MICALL2: variants seen among roughly 807,000 people sequenced by gnomAD.
MICALL2 encodes MICAL like 2.
MICALL2 carries 111 observed loss-of-function variants against 91.1 expected under a neutral mutation model. The observed-to-expected ratio is 1.22, with a 90% confidence interval of 1.04 to 1.43. The LOEUF is 1.43. Among genes scored for constraint, MICALL2 ranks in the 40% most tolerant of loss-of-function variants. MICALL2 has a pLI of 0.00. For synonymous variants in MICALL2, 694 were observed against 525.3 expected (o/e 1.32, Z -4.39); for missense variants, 1,556 against 1,236.0 (o/e 1.26, Z -3.88).
At chr7:1,435,913 G>T (rs1170050063) in intron 15 of MICALL2, among the ~76,000 whole-genome samples, 1 of 151,862 alleles carries the variant, frequency 6.6e-6, no homozygotes, top group Non-Finnish European at 1.5e-5. Context: ...TTAGCCGGGT[G>T]TGGTGGCGGG....
intron 10 of MICALL2, 77 bp from the exon 11 acceptor site, chr7:1,438,430 C>CCTGACCTCAGCACAGCACAG: frequency 6.5e-7 from 1 of 1,540,052 alleles, no homozygotes; most frequent in Non-Finnish European, 8.8e-7. Context: ...TTGGAAGGAG[C>CCTGACCTCAGCACAGCACAG]CTGACCTCAG....
chr7:1,435,222 C>T lies in MICALL2; in HGVS notation c.2592-75G>A, dbSNP rs943842417. 2.2e-5 allele frequency: 33 copies of T among 1,493,590 alleles called. No homozygotes were observed. The Admixed American group carries it at 3.5e-4, about 16-fold the overall frequency. The allele number at this position is 1,493,590 out of a possible 1,614,324, so 92.5% of individuals were successfully genotyped here. ...CCTGGAGGGGCCTCCGGACAGTCTCCAGCAGTGGCACCCCAGCCCTGAGTC... is the reference window on the plus strand; with the variant it reads ...CCTGGAGGGGCCTCCGGACAGTCTCTAGCAGTGGCACCCCAGCCCTGAGTC... On this transcript the variant is annotated intron_variant, in intron 15 of 16. Transcript: ENST00000297508.
chr7:1,439,898 G>T (rs770187244), intron 9 of MICALL2, 27 bp downstream of exon 9: 3 of 1,407,316 alleles, frequency 2.1e-6, no homozygotes, highest in African/African-American at 3.0e-5. Flanking sequence ...GGCAACCCGG[G>T]GGCCCCTGGG....
At chr7:1,440,405 A>G in intron 8 of MICALL2, 186 bp downstream of exon 8, 1 of 652,638 alleles carries the variant, frequency 1.5e-6, no homozygotes, top group South Asian at 1.8e-5. Context: ...GAGACACGCA[A>G]CGCTGCCCCC....
At chr7:1,453,720 T>C (rs886138668) in intron 1 of MICALL2, among the ~76,000 whole-genome samples, 6 of 151,710 alleles carry the variant, frequency 4.0e-5, no homozygotes, top group Admixed American at 3.9e-4. Flanking sequence ...CTCCGAGACA[T>C]GGCATCCTCC....
Position 1,438,833 on chromosome 7 carries a change from G to A in MICALL2, c.2122+7C>T, listed in dbSNP as rs368026463. On this transcript the variant is annotated splice_region_variant and intron_variant, in intron 10 of 16. Coordinates refer to ENST00000297508, the MANE Select transcript of MICALL2 (RefSeq NM_182924.4). ...CCCCAAACAGCAGCGGTGTCTCTGG[G>A]GCTGACCTGGTTTGCCCTGAAGGTG... is the stretch of plus-strand genomic sequence containing the variant. 7 of 1,598,668 alleles carry A rather than the reference G, an allele frequency of 4.4e-6. No individual in the cohort carries two copies. The African/African-American group carries it at 6.7e-5, about 15-fold the overall frequency.
rs1356656463 is a variant in MICALL2, at chr7:1,438,296, G to A, written c.2180C>T (p.Pro727Leu). 3.1e-6 allele frequency: 5 copies of A among 1,600,382 alleles called. No homozygotes were observed. The South Asian group carries it at 4.5e-5, about 14-fold the overall frequency. The change falls in exon 11 of 17, where the codon CCA becomes CTA. Residue 727 changes from proline to leucine, a missense_variant. Coordinates refer to ENST00000297508, the MANE Select transcript of MICALL2 (RefSeq NM_182924.4). Reference protein sequence around the residue: ...PALPGETVTSPVRLHPDYLSP... With the variant: ...PALPGETVTSLVRLHPDYLSP... ...CTCCCCACCACTACTCACCCTGACT[G>A]GGGAGGTCACCGTCTCGCCAGGCAG...
intron 1 of MICALL2, among the ~76,000 whole-genome samples, chr7:1,455,641 C>A (rs558005373): frequency 6.6e-6 from 1 of 152,040 alleles, no homozygotes; most frequent in Non-Finnish European, 1.5e-5. Flanking sequence ...CCCCTCCACC[C>A]GGGGTCGGTG....
At position 1,437,623 on chromosome 7, in the gene MICALL2, C is replaced by A. The variant is rs1200491302; in HGVS notation, c.2403-15G>T. 1 of 1,538,410 alleles carries A rather than the reference C, an allele frequency of 6.5e-7. No homozygotes were observed. Among genetic ancestry groups the A allele is most frequent in the Non-Finnish European group, 8.7e-7 (1 of 1,145,854 alleles). ...GGGCCTTGGACCTGCCGCACAGACACGCGTCTGAGGCCTGACTCTGCCGCC... is the reference window on the plus strand; with the variant it reads ...GGGCCTTGGACCTGCCGCACAGACAAGCGTCTGAGGCCTGACTCTGCCGCC... On this transcript the variant is annotated splice_polypyrimidine_tract_variant and intron_variant, in intron 13 of 16. Transcript: ENST00000297508.
rs1405108085 is a variant in MICALL2 at position 1,444,825 on chromosome 7, C to T, written c.1245G>A (p.Gln415=). The T allele has an allele frequency of 1.9e-6, 3 of 1,610,038 alleles. No individual in the cohort carries two copies. The African/African-American group carries it at 4.0e-5, about 21-fold the overall frequency. The change falls in exon 6 of 17, where the codon CAG becomes CAA. Residue 415 remains glutamine (Q), a synonymous_variant. Transcript: ENST00000297508. ...ATGTTTGGAAAAACTTATTCCGGGC[C>T]TGCTGGGTCCTGGAGGCGGACGGGG... ...AWTPSASRTQ[Q]ARNKFFQTSA... is the part of the protein sequence containing the mutation.
chr7:1,438,867 TCTC>T lies in MICALL2; in HGVS notation c.2092_2094del (p.Glu698del), dbSNP rs776006519. On this transcript the variant is annotated inframe_deletion, in exon 10 of 17. Coordinates refer to ENST00000297508, the MANE Select transcript of MICALL2 (RefSeq NM_182924.4). ...GGTTTGCCCTGAAGGTGAGGTTTCT[TCTC>T]CTCCTCCTTCCAGCTCTGCACTCGG... 8.1e-6 allele frequency: 13 copies of T among 1,609,210 alleles called. No homozygotes were observed. Among genetic ancestry groups the T allele is most frequent in the East Asian group, 4.5e-5 (2 of 44,800 alleles).
Position 1,458,741 on chromosome 7 carries a change from C to A in MICALL2, c.143+443G>T, listed in dbSNP as rs149549875. On this transcript the variant is annotated intron_variant, in intron 1 of 16. Transcript: ENST00000297508. ...TCCTGCCCTGCACTGGCCGCTCCCC[C>A]ACAGTGGCCCTGGCCACATCCCCCC... Among the ~76,000 whole-genome samples, 1,510 of 152,348 alleles carry A rather than the reference C, an allele frequency of 9.9e-3. 18 individuals carry two copies. Among genetic ancestry groups the A allele is most frequent in the Non-Finnish European group, 0.01 (692 of 68,016 alleles).
rs1401069530 is a variant in MICALL2 at position 1,435,211 on chromosome 7, C to T, written c.2592-64G>A. The stretch of plus-strand genomic sequence containing the variant: ...TGGCAAGGTGCCCTGGAGGGGCCTC[C>T]GGACAGTCTCCAGCAGTGGCACCCC... On this transcript the variant is annotated intron_variant, in intron 15 of 16. Coordinates refer to ENST00000297508, the MANE Select transcript of MICALL2 (RefSeq NM_182924.4). 2.3e-5 allele frequency: 36 copies of T among 1,558,744 alleles called. 1 individual carries two copies. The highest frequency in any genetic ancestry group is 4.5e-5 in the East Asian group (2 of 44,644).
At chr7:1,435,237 A>C (rs1161416465) in intron 15 of MICALL2, 90 bp from the exon 16 acceptor site, 6 of 1,368,734 alleles carry the variant, frequency 4.4e-6, no homozygotes, top group East Asian at 4.6e-5. Context: ...GTGGCACCCC[A>C]GCCCTGAGTC....
intron 10 of MICALL2, 149 bp from the exon 11 acceptor site, chr7:1,438,502 G>A: frequency 1.4e-6 from 2 of 1,452,202 alleles, no homozygotes; most frequent in South Asian, 1.4e-5. Context: ...GGACTGCCCT[G>A]ACCCAGCCCC....
At position 1,438,318 on chromosome 7, in the gene MICALL2, G is replaced by A. The variant is rs1057510860; in HGVS notation, c.2158C>T (p.Pro720Ser). 3 of 1,604,496 alleles carry A rather than the reference G, an allele frequency of 1.9e-6. No individual in the cohort carries two copies. The highest frequency in any genetic ancestry group is 2.5e-6 in the Non-Finnish European group (3 of 1,176,572). Residue 720 changes from proline to serine, a missense_variant, in exon 11 of 17, where the codon CCT (proline) becomes TCT (serine). Physicochemically the swap from Pro to Ser is moderately conservative, Grantham distance 74. Coordinates refer to ENST00000297508, the MANE Select transcript of MICALL2 (RefSeq NM_182924.4). ...ACTGGGGAGGTCACCGTCTCGCCAG[G>A]CAGAGCAGGGACATTGGCCGGGGAC... The part of the protein sequence containing the change: ...PLSPANVPAL[P>S]GETVTSPVRL...
intron 1 of MICALL2, chr7:1,450,498 A>G (rs1027014666): frequency 1.4e-5 from 8 of 567,514 alleles, no homozygotes; most frequent in Non-Finnish European, 2.3e-5. Flanking sequence ...CCGTAGTACG[A>G]CATCAGACGG....
intron 5 of MICALL2, 133 bp from the exon 6 acceptor site, chr7:1,445,561 C>T (rs1205381144): frequency 1.2e-5 from 10 of 800,468 alleles, no homozygotes; most frequent in Admixed American, 8.6e-5. Context: ...CGCCCCGCCA[C>T]GCATTCACCA....
chr7:1,440,015 C>T lies in MICALL2; in HGVS notation c.1876G>A (p.Gly626Ser). 6.4e-7 allele frequency: 1 copy of T among 1,566,264 alleles called. No individual in the cohort carries two copies. Among genetic ancestry groups the T allele is most frequent in the African/African-American group, 1.4e-5 (1 of 71,348 alleles). The part of the protein sequence containing the change: ...RAGEAPRKVS[G>S]SFAGSVHITL... Reference sequence around the variant, plus strand: ...ATGTGGACACTCCCAGCAAAGCTGCCTGAGACCTTCCTGGGGGCCTCCCCC... The same window carrying T: ...ATGTGGACACTCCCAGCAAAGCTGCTTGAGACCTTCCTGGGGGCCTCCCCC... Residue 626 changes from glycine to serine, a missense_variant, in exon 9 of 17, where the codon GGC becomes AGC. Coordinates refer to ENST00000297508, the MANE Select transcript of MICALL2 (RefSeq NM_182924.4).
Sources: gnomAD v4.1 joint callset for allele counts (sites outside exome capture counted in the v4.1 genomes callset) on GRCh38, gnomAD v4.1.1 for gene constraint, MANE v1.5 for transcripts, NCBI Gene and HGNC (gene_info 2026-07-23, HGNC 2026-07-21) for gene names.